Variants in PDGFRA observed in about 807,000 individuals in gnomAD.
PDGFRA encodes the protein platelet derived growth factor receptor alpha, also known as platelet-derived growth factor receptor alpha.
A neutral mutation model predicts 121.5 loss-of-function variants in PDGFRA; 25 were observed. That is an observed-to-expected ratio of 0.21 (90% CI 0.15 to 0.29). The LOEUF is 0.29. Ranked by LOEUF, PDGFRA falls within the 10% of genes least tolerant of loss-of-function variation. PDGFRA has a pLI of 1.00. For synonymous variants in PDGFRA, 463 were observed against 494.8 expected, an observed-to-expected ratio of 0.94 and a Z score of 0.85; for missense variants, 1,008 against 1,345.1, an observed-to-expected ratio of 0.75 and a Z score of 3.92.
intron 1 of PDGFRA, among the ~76,000 whole-genome samples, chr4:54,231,559 T>C (rs1443081380): frequency 6.6e-6 from 1 of 152,244 alleles, no homozygotes; most frequent in Non-Finnish European, 1.5e-5. Context: ...ACCCCGGCAC[T>C]GCTGAATTGC....
rs745702167 is a variant in PDGFRA, at chr4:54,272,486, G to C, written c.1330G>C (p.Asp444His). The part of the protein sequence containing the change: ...RCTAEGTPLP[D>H]IEWMICKDIK... ...CACAGCTGAAGGCACGCCGCTTCCT[G>C]ATATTGAGTGGATGATATGCAAAGA... The change falls in exon 9 of 23, where the codon GAT becomes CAT. Residue 444 changes from aspartate (D) to histidine (H), a missense_variant. By Grantham distance (81) the Asp-to-His change is moderately conservative. Transcript: ENST00000257290. 6 of 1,614,076 alleles carry C rather than the reference G, an allele frequency of 3.7e-6. No individual in the cohort carries two copies. In the Admixed American group the frequency reaches 1.0e-4, roughly 27 times the overall value.
At chr4:54,272,084 T>C (rs1270186718) in intron 8 of PDGFRA, among the ~76,000 whole-genome samples, 2 of 146,062 alleles carry the variant, frequency 1.4e-5, no homozygotes, top group African/African-American at 5.1e-5. Context: ...GGCTCAAGTG[T>C]TTCTCTTCCA....
chr4:54,273,856 T>C (rs1294383513), intron 10 of PDGFRA, 126 bp downstream of exon 10: 1 of 761,610 alleles, frequency 1.3e-6, no homozygotes, highest in Admixed American at 2.1e-5. Flanking sequence ...TTATGAATGC[T>C]CTTAAAGTCA....
In PDGFRA at chr4:54,295,248, C is replaced by T. The variant is rs756955630; in HGVS notation, c.3246C>T (p.Asp1082=). The change falls in exon 23 of 23, where the codon GAC becomes GAT. Residue 1082 remains aspartate, a synonymous_variant. Transcript: ENST00000257290. The part of the protein sequence containing the change: ...MMDDIGIDSS[D]LVEDSFL Reference sequence around the variant, plus strand: ...ATGACATCGGCATAGACTCTTCAGACCTGGTGGAAGACAGCTTCCTGTAAC... The same window carrying T: ...ATGACATCGGCATAGACTCTTCAGATCTGGTGGAAGACAGCTTCCTGTAAC... 10 of 1,614,042 alleles carry T rather than the reference C, an allele frequency of 6.2e-6. No individual in the cohort carries two copies. Among genetic ancestry groups the T allele is most frequent in the Non-Finnish European group, 8.5e-6 (10 of 1,179,932 alleles).
intron 22 of PDGFRA, among the ~76,000 whole-genome samples, chr4:54,293,907 TTGTGTGTG>T (rs71200381): frequency 1.1e-4 from 16 of 142,554 alleles, no homozygotes; most frequent in South Asian, 7.0e-4. Context: ...TCCAAGTTGC[TTGTGTGTG>T]TGTGTGTGTG....
intron 12 of PDGFRA, chr4:54,276,898 A>G: frequency 5.4e-6 from 1 of 184,966 alleles, no homozygotes; most frequent in South Asian, 1.2e-4. Flanking sequence ...CCTAACAAAT[A>G]GGGAGCAGTG....
intron 8 of PDGFRA, among the ~76,000 whole-genome samples, chr4:54,272,030 A>C (rs1577721938): frequency 2.1e-5 from 2 of 97,168 alleles, no homozygotes; most frequent in Non-Finnish European, 3.8e-5. Context: ...TTCCCTTCCC[A>C]TTTTTCTTCT....
At position 54,295,317 on chromosome 4, in the gene PDGFRA, G is replaced by C; in HGVS notation, c.*45G>C. The C allele has an allele frequency of 6.2e-7, 1 of 1,605,948 alleles. No homozygotes were observed. Among genetic ancestry groups the C allele is most frequent in the Non-Finnish European group, 8.5e-7 (1 of 1,173,154 alleles). On this transcript the variant is annotated 3_prime_UTR_variant, in exon 23 of 23. Transcript: ENST00000257290. ...CCTTCCACTTCTGGGGCCACCTCTG[G>C]ATCCCGTTCAGAAAACCACTTTATT...
At chr4:54,261,715 G>A (rs1055457725) in intron 3 of PDGFRA, among the ~76,000 whole-genome samples, 1 of 151,550 alleles carries the variant, frequency 6.6e-6, no homozygotes, top group Admixed American at 6.6e-5. Flanking sequence ...CATACTCACA[G>A]TGTGTCCAGC....
rs560843328 is a variant in PDGFRA, at chr4:54,241,422, A to C, written c.-13+12007A>C. On this transcript the variant is annotated intron_variant, in intron 1 of 22. Coordinates refer to ENST00000257290, the MANE Select transcript of PDGFRA (RefSeq NM_006206.6). Reference sequence around the variant, plus strand: ...AAATATAGGACAAGTCAGAAAGTCCAAGCATGTTGTAGATGACCTATGTAA... The same window carrying C: ...AAATATAGGACAAGTCAGAAAGTCCCAGCATGTTGTAGATGACCTATGTAA... Among the ~76,000 whole-genome samples, 5 of 152,286 alleles carry C rather than the reference A, an allele frequency of 3.3e-5. No individual in the cohort carries two copies. The East Asian group carries it at 9.6e-4, about 29-fold the overall frequency.
chr4:54,273,534 T>A lies in PDGFRA; in HGVS notation c.1365-3T>A. ...CCTATACTTAGGCCCTTTTTCTCTC[T>A]AGATGTAATAATGAAACTTCCTGGA... On this transcript the variant is annotated splice_region_variant and splice_polypyrimidine_tract_variant and intron_variant, in intron 9 of 22. Transcript: ENST00000257290. 6.2e-7 allele frequency: 1 copy of A among 1,613,466 alleles called. No individual in the cohort carries two copies. Among genetic ancestry groups the A allele is most frequent in the Non-Finnish European group, 8.5e-7 (1 of 1,179,456 alleles).
intron 1 of PDGFRA, among the ~76,000 whole-genome samples, chr4:54,231,238 A>G (rs890203): frequency 3.3e-5 from 5 of 152,104 alleles, no homozygotes; most frequent in African/African-American, 1.2e-4. Flanking sequence ...GATGGGGCCC[A>G]TATCAGGTCC....
At chr4:54,283,916 A>T (rs1442619167) in intron 16 of PDGFRA, among the ~76,000 whole-genome samples, 1 of 152,130 alleles carries the variant, frequency 6.6e-6, no homozygotes, top group Non-Finnish European at 1.5e-5. Flanking sequence ...TTCTCTTTTA[A>T]ATATAAGTTT....
chr4:54,279,004 G>T (rs1723916570), intron 15 of PDGFRA: 2 of 370,416 alleles, frequency 5.4e-6, no homozygotes, highest in African/African-American at 4.2e-5. Context: ...AAAGTACAAT[G>T]AATTCACTTC....
At chr4:54,279,477 T>C (rs1030174297) in intron 15 of PDGFRA, among the ~76,000 whole-genome samples, 2 of 152,240 alleles carry the variant, frequency 1.3e-5, no homozygotes, top group Non-Finnish European at 2.9e-5. Flanking sequence ...AAACCTTTCT[T>C]CCTTCACAAC....
Position 54,296,434 on chromosome 4 carries a change from T to A in PDGFRA, c.*1162T>A, listed in dbSNP as rs565160418. On this transcript the variant is annotated 3_prime_UTR_variant, in exon 23 of 23. Transcript: ENST00000257290. ...GACCCCAATATATGTATTTTTTGAA[T>A]CTATGAACCTGAAAAGGGTCAGAAG... is the stretch of plus-strand genomic sequence containing the variant. The A allele has an allele frequency of 6.7e-5, 15 of 222,600 alleles. No individual in the cohort carries two copies. Among genetic ancestry groups the A allele is most frequent in the African/African-American group, 3.4e-4 (15 of 44,594 alleles). The allele number at this position is 222,600 out of a possible 1,614,324, so 13.8% of individuals were successfully genotyped here.
chr4:54,245,031 A>T (rs1233356665), intron 1 of PDGFRA, among the ~76,000 whole-genome samples: 1 of 152,220 alleles, frequency 6.6e-6, no homozygotes. Flanking sequence ...AAGAATAAAA[A>T]GAAACGAACA....
intron 5 of PDGFRA, among the ~76,000 whole-genome samples, chr4:54,266,261 A>T (rs1016384912): frequency 6.6e-6 from 1 of 152,186 alleles, no homozygotes; most frequent in Non-Finnish European, 1.5e-5. Flanking sequence ...GTTTTTTCCG[A>T]TTATAAAAGT....
rs1018795199 is a variant in PDGFRA at position 54,263,893 on chromosome 4, C to G, written c.594C>G (p.Phe198Leu). The G allele has an allele frequency of 6.2e-7, 1 of 1,613,982 alleles. No individual in the cohort carries two copies. The highest frequency in any genetic ancestry group is 8.5e-7 in the Non-Finnish European group (1 of 1,179,938). Residue 198 changes from phenylalanine to leucine, a missense_variant, in exon 4 of 23, where the codon TTC becomes TTG. This residue lies in a region of PDGFRA where 575 missense variants were observed against 701.8 expected (regional missense o/e 0.82). Transcript: ENST00000257290. ...AGGCCACCGTCAAAGGAAAGAAGTT[C>G]CAGACCATCCCATTTAATGTTTATG... ...ICEATVKGKK[F>L]QTIPFNVYAL...
Sources: allele counts gnomAD v4.1 joint callset (sites outside exome capture counted in the v4.1 genomes callset), GRCh38; gene constraint gnomAD v4.1.1; regional missense constraint gnomAD v4.1.1; transcripts MANE v1.5; gene names NCBI Gene and HGNC (gene_info 2026-07-23, HGNC 2026-07-21).